SNX8: variants seen among roughly 807,000 people sequenced by gnomAD.
SNX8 encodes the protein sorting nexin 8, also known as sorting nexin-8.
In SNX8, 25 loss-of-function variants were observed where a neutral mutation model predicts 51.6. That is an observed-to-expected ratio of 0.48 (90% CI 0.35 to 0.68). The LOEUF is 0.68. Among genes scored for constraint, SNX8 ranks in the 30% least tolerant of loss-of-function variants. The pLI is 0.00. For missense variants in SNX8, 695 were observed against 624.0 expected (o/e 1.11, Z -1.21); for synonymous variants, 324 against 277.0 (o/e 1.17, Z -1.68).
chr7:2,268,480 G>T (rs1436576745), intron 5 of SNX8, among the ~76,000 whole-genome samples: 2 of 135,346 alleles, frequency 1.5e-5, no homozygotes, highest in Middle Eastern at 5.1e-3. Context: ...CCGGCCAGCC[G>T]CCCCATCCGG....
chr7:2,330,144 T>C (rs1007454657), intron 1 of SNX8, among the ~76,000 whole-genome samples: 6 of 146,346 alleles, frequency 4.1e-5, no homozygotes, highest in East Asian at 4.0e-4. Flanking sequence ...TTTTCTTTTT[T>C]TTTTTTTTTT....
intron 5 of SNX8, among the ~76,000 whole-genome samples, chr7:2,266,772 C>T (rs962382370): frequency 1.1e-4 from 16 of 152,158 alleles, no homozygotes; most frequent in Non-Finnish European, 2.1e-4. Context: ...CCGACAGCCT[C>T]AGCCTCCCAA....
intron 1 of SNX8, among the ~76,000 whole-genome samples, chr7:2,341,645 C>G (rs991012405): frequency 1.6e-4 from 25 of 152,178 alleles, no homozygotes; most frequent in African/African-American, 5.8e-4. Flanking sequence ...TCACTCCAAC[C>G]TGGGTGATAG....
At chr7:2,312,811 T>C (rs146140145) in intron 1 of SNX8, among the ~76,000 whole-genome samples, 191 of 151,980 alleles carry the variant, frequency 1.3e-3, no homozygotes, top group Non-Finnish European at 2.2e-3. Context: ...ACATCTCTTC[T>C]CTGGCAGCTA....
intron 1 of SNX8, among the ~76,000 whole-genome samples, chr7:2,296,984 A>C (rs1257319667): frequency 2.0e-5 from 3 of 151,962 alleles, no homozygotes; most frequent in African/African-American, 7.3e-5. Context: ...AAATGCTCAA[A>C]ATCACTAATC....
rs1795594394 is a variant in SNX8 at position 2,269,614 on chromosome 7, G to A, written c.566C>T (p.Ser189Leu). The A allele has an allele frequency of 1.6e-5, 26 of 1,601,280 alleles. No homozygotes were observed. Among genetic ancestry groups the A allele is most frequent in the East Asian group, 6.8e-5 (3 of 44,130 alleles). Reference protein sequence around the residue: ...GSDVQNKLKESAQCVGDEFLN... With the variant: ...GSDVQNKLKELAQCVGDEFLN... ...GAATTCGTCCCCGACGCACTGTGCT[G>A]ACTCCTTTAACTTGTTCTGCACATC... The change falls in exon 5 of 11, where the codon TCA becomes TTA. Residue 189 changes from serine (S) to leucine (L), a missense_variant. Transcript: ENST00000222990.
upstream of SNX8, among the ~76,000 whole-genome samples, chr7:2,315,304 GCATT>G (rs1405987536): frequency 1.3e-4 from 17 of 131,688 alleles, no homozygotes; most frequent in Non-Finnish European, 2.1e-4. Context: ...ACTGCATCCT[GCATT>G]CATTCATTCA....
At chr7:2,304,492 G>A (rs556842994) in intron 1 of SNX8, among the ~76,000 whole-genome samples, 30 of 151,446 alleles carry the variant, frequency 2.0e-4, no homozygotes, top group African/African-American at 3.9e-4. Flanking sequence ...TGCAGCGAGC[G>A]GAGATTGCCC....
intron 1 of SNX8, among the ~76,000 whole-genome samples, chr7:2,300,664 CAG>C (rs1796370360): frequency 6.7e-6 from 1 of 150,154 alleles, no homozygotes; most frequent in Non-Finnish European, 1.5e-5. Flanking sequence ...ATTATTGAGA[CAG>C]AGTTTCATTC....
chr7:2,302,773 G>A (rs1234406452), intron 1 of SNX8, among the ~76,000 whole-genome samples: 1 of 151,380 alleles, frequency 6.6e-6, no homozygotes, highest in African/African-American at 2.4e-5. Flanking sequence ...GGGATGTGAG[G>A]AGCGCCTCTG....
At position 2,304,060 on chromosome 7, in the gene SNX8, G is replaced by A. The variant is rs367810074; in HGVS notation, c.94+10268C>T. 1.0e-3 allele frequency among the ~76,000 whole-genome samples: 150 copies of A among 150,592 alleles called. No homozygotes were observed. In the East Asian group the frequency reaches 0.023, roughly 23 times the overall value. ...CGGGCGCCTGTAGTCCCAGCTACTCGGGAGGCTGAGGCAGGAGAATGGCAT... is the reference window on the plus strand; with the variant it reads ...CGGGCGCCTGTAGTCCCAGCTACTCAGGAGGCTGAGGCAGGAGAATGGCAT... On this transcript the variant is annotated intron_variant, in intron 1 of 10. Coordinates refer to ENST00000222990, the MANE Select transcript of SNX8 (RefSeq NM_013321.4).
At chr7:2,260,323 CCTGACCTCAGGTGAT>C (rs1159119179) in intron 7 of SNX8, among the ~76,000 whole-genome samples, 3 of 152,146 alleles carry the variant, frequency 2.0e-5, no homozygotes, top group African/African-American at 7.2e-5. Context: ...GTCTCAAACT[CCTGACCTCAGGTGAT>C]CTGCCCATCT....
chr7:2,349,726 G>A (rs887759048), intron 1 of SNX8, among the ~76,000 whole-genome samples: 3 of 152,056 alleles, frequency 2.0e-5, no homozygotes, highest in Non-Finnish European at 2.9e-5. Flanking sequence ...GTGAGCCACC[G>A]CGCCTGGCCA....
At chr7:2,314,845 C>G (rs1454338666), upstream of SNX8, among the ~76,000 whole-genome samples, 1 of 152,200 alleles carries the variant, frequency 6.6e-6, no homozygotes, top group Non-Finnish European at 1.5e-5. Context: ...CTCACCCACT[C>G]ATTCGCTCAC....
intron 1 of SNX8, among the ~76,000 whole-genome samples, chr7:2,328,577 C>A (rs969281555): frequency 1.3e-5 from 2 of 152,062 alleles, no homozygotes; most frequent in East Asian, 1.9e-4. Context: ...CTTTAGGAGG[C>A]TAAGGCAGGC....
chr7:2,331,012 C>T (rs935829436), intron 1 of SNX8, among the ~76,000 whole-genome samples: 1 of 151,632 alleles, frequency 6.6e-6, no homozygotes, highest in Admixed American at 6.6e-5. Context: ...TGGTGAAACC[C>T]CGTCTCTACT....
At chr7:2,267,025 G>A (rs1795479977) in intron 5 of SNX8, among the ~76,000 whole-genome samples, 1 of 152,200 alleles carries the variant, frequency 6.6e-6, no homozygotes, top group Non-Finnish European at 1.5e-5. Context: ...TGCCTGGAGG[G>A]CCTGAGGGCA....
intron 1 of SNX8, among the ~76,000 whole-genome samples, chr7:2,295,402 CAAAAA>C (rs35446427): frequency 1.1e-5 from 1 of 91,926 alleles, no homozygotes; most frequent in African/African-American, 4.9e-5. Flanking sequence ...TACTCCATCT[CAAAAA>C]AAAAAAAAAA....
At chr7:2,283,246 C>T (rs927466895) in intron 1 of SNX8, among the ~76,000 whole-genome samples, 6 of 152,246 alleles carry the variant, frequency 3.9e-5, no homozygotes, top group Non-Finnish European at 5.9e-5. Flanking sequence ...CTGCCAGCCT[C>T]GGCGCAGGTG....
Sources: allele counts gnomAD v4.1 joint callset (sites outside exome capture counted in the v4.1 genomes callset), GRCh38; gene constraint gnomAD v4.1.1; transcripts MANE v1.5; gene names NCBI Gene and HGNC (gene_info 2026-07-23, HGNC 2026-07-21).